LMBR1: variants seen among roughly 807,000 people sequenced by gnomAD.
LMBR1 encodes the protein limb region 1 protein homolog.
Under a neutral mutation model 73.9 loss-of-function variants are expected in LMBR1, and 52 were observed. That is an observed-to-expected ratio of 0.70 (90% CI 0.56 to 0.89). The LOEUF (loss-of-function observed/expected upper bound fraction) is 0.89. LMBR1 is among the 40% of genes least tolerant of loss of function. The pLI is 0.00. For missense variants in LMBR1, 539 were observed against 579.8 expected, an observed-to-expected ratio of 0.93 and a Z score of 0.72; for synonymous variants, 215 against 209.4, an observed-to-expected ratio of 1.03 and a Z score of -0.23.
intron 4 of LMBR1, chr7:156,823,617 G>C (rs1349643704): frequency 6.6e-6 from 1 of 152,154 alleles, no homozygotes; most frequent in African/African-American, 2.4e-5. Flanking sequence ...TCACTGGAGG[G>C]ATAAATGGTT....
intron 5 of LMBR1, among the ~76,000 whole-genome samples, chr7:156,778,767 T>TA (rs769205947): frequency 2.0e-5 from 3 of 152,256 alleles, no homozygotes; most frequent in Non-Finnish European, 2.9e-5. Flanking sequence ...GTGAGATTGT[T>TA]AGACTTTTGG....
At chr7:156,812,712 C>T (rs1449586612) in intron 4 of LMBR1, among the ~76,000 whole-genome samples, 1 of 152,206 alleles carries the variant, frequency 6.6e-6, no homozygotes, top group Non-Finnish European at 1.5e-5. Flanking sequence ...TAAGGTTTTA[C>T]TACGGAAAAC....
intron 5 of LMBR1, among the ~76,000 whole-genome samples, chr7:156,781,649 GT>G (rs1253414696): frequency 6.6e-5 from 10 of 152,000 alleles, no homozygotes; most frequent in Non-Finnish European, 8.8e-5. Flanking sequence ...TAAAATAAAA[GT>G]TTACTATTTA....
intron 4 of LMBR1, among the ~76,000 whole-genome samples, chr7:156,808,479 G>GGGTA (rs1258989506): frequency 6.6e-6 from 1 of 152,016 alleles, no homozygotes; most frequent in African/African-American, 2.4e-5. Flanking sequence ...TCTTTACAGT[G>GGGTA]GGTATCCTGC....
intron 5 of LMBR1, chr7:156,779,688 G>A (rs1258056392): frequency 7.2e-5 from 93 of 1,286,680 alleles, no homozygotes; most frequent in Non-Finnish European, 9.0e-5. Flanking sequence ...ATGTTTCTAT[G>A]GTGATGAACA....
At chr7:156,833,655 G>A in intron 3 of LMBR1, 98 bp downstream of exon 3, 1 of 840,558 alleles carries the variant, frequency 1.2e-6, no homozygotes, top group Non-Finnish European at 2.0e-6. Flanking sequence ...TGTGCTGGGT[G>A]AATATTTTCC....
chr7:156,716,358 C>T (rs1239869286), intron 15 of LMBR1, among the ~76,000 whole-genome samples: 1 of 152,200 alleles, frequency 6.6e-6, no homozygotes, highest in African/African-American at 2.4e-5. Flanking sequence ...TGAGGATTTA[C>T]GTGCAACAAT....
chr7:156,831,110 G>C (rs1476628581), intron 3 of LMBR1, among the ~76,000 whole-genome samples: 3 of 152,132 alleles, frequency 2.0e-5, no homozygotes, highest in Non-Finnish European at 4.4e-5. Flanking sequence ...CTGAAAAGTT[G>C]AGACTTAGGG....
intron 15 of LMBR1, among the ~76,000 whole-genome samples, chr7:156,695,549 G>A (rs1166394957): frequency 6.6e-6 from 1 of 151,908 alleles, no homozygotes; most frequent in Non-Finnish European, 1.5e-5. Context: ...GTTGGGGGAG[G>A]CACCCGACAC....
intron 5 of LMBR1, among the ~76,000 whole-genome samples, chr7:156,795,868 T>C (rs1329993640): frequency 6.6e-6 from 1 of 152,174 alleles, no homozygotes; most frequent in South Asian, 2.1e-4. Context: ...TAAATTTTAA[T>C]TGCCTGTCTT....
chr7:156,816,044 T>C (rs1183100480), intron 4 of LMBR1, among the ~76,000 whole-genome samples: 1 of 151,976 alleles, frequency 6.6e-6, no homozygotes, highest in African/African-American at 2.4e-5. Context: ...TTCAAATTCT[T>C]CTCTAGATGT....
At chr7:156,737,431 G>A (rs1346253174) in intron 9 of LMBR1, among the ~76,000 whole-genome samples, 1 of 151,762 alleles carries the variant, frequency 6.6e-6, no homozygotes, top group Non-Finnish European at 1.5e-5. Flanking sequence ...TACTGTGTTG[G>A]GCACTAGATG....
chr7:156,827,929 T>C (rs939251732), intron 3 of LMBR1, among the ~76,000 whole-genome samples: 2 of 152,190 alleles, frequency 1.3e-5, no homozygotes, highest in Non-Finnish European at 2.9e-5. Context: ...ATACAGAATT[T>C]CTGTGAATTC....
At chr7:156,847,149 C>A (rs1228538707) in intron 1 of LMBR1, among the ~76,000 whole-genome samples, 2 of 152,124 alleles carry the variant, frequency 1.3e-5, no homozygotes, top group African/African-American at 2.4e-5. Flanking sequence ...ATCAACTGAT[C>A]TTTGACAAAA....
intron 15 of LMBR1, among the ~76,000 whole-genome samples, chr7:156,712,493 C>T (rs1489388645): frequency 6.6e-6 from 1 of 152,164 alleles, no homozygotes; most frequent in Non-Finnish European, 1.5e-5. Context: ...ACCATCTGAT[C>T]CAGCAATCCC....
intron 15 of LMBR1, among the ~76,000 whole-genome samples, chr7:156,695,229 A>C (rs1808035105): frequency 6.6e-6 from 1 of 152,196 alleles, no homozygotes; most frequent in Non-Finnish European, 1.5e-5. Context: ...GGATCACTTG[A>C]CATCACGAGG....
intron 1 of LMBR1, among the ~76,000 whole-genome samples, chr7:156,889,090 T>C (rs1212112824): frequency 1.3e-5 from 2 of 151,430 alleles, no homozygotes; most frequent in African/African-American, 4.9e-5. Context: ...TTTTGACACA[T>C]GCTACAACAC....
chr7:156,886,066 ACTTC>A (rs918311897), intron 1 of LMBR1, among the ~76,000 whole-genome samples: 2 of 148,452 alleles, frequency 1.3e-5, no homozygotes, highest in African/African-American at 2.5e-5. Flanking sequence ...AAAAAAAAAG[ACTTC>A]CTTCAAGTAG....
chr7:156,827,801 A>G (rs1835952523), intron 3 of LMBR1, among the ~76,000 whole-genome samples: 1 of 152,218 alleles, frequency 6.6e-6, no homozygotes, highest in Non-Finnish European at 1.5e-5. Context: ...AACCAACAGA[A>G]GTGTATTCCT....
Sources: allele counts gnomAD v4.1 joint callset (sites outside exome capture counted in the v4.1 genomes callset), GRCh38; gene constraint gnomAD v4.1.1; transcripts MANE v1.5; gene names NCBI Gene and HGNC (gene_info 2026-07-23, HGNC 2026-07-21).